RNF130: variants seen among roughly 807,000 people sequenced by gnomAD.
The protein encoded by RNF130 is E3 ubiquitin-protein ligase RNF130.
A neutral mutation model predicts 44.6 loss-of-function variants in RNF130; 21 were observed. The ratio of observed to expected loss-of-function variants is 0.47; its 90% CI spans 0.33 to 0.68. RNF130 has a LOEUF of 0.68. Among genes scored for constraint, RNF130 ranks in the 30% least tolerant of loss-of-function variants. RNF130 has a pLI of 0.02. For missense variants in RNF130, 479 were observed against 560.6 expected, an observed-to-expected ratio of 0.85 and a Z score of 1.47; for synonymous variants, 214 against 210.4, an observed-to-expected ratio of 1.02 and a Z score of -0.15.
chr5:180,013,272 C>G lies in RNF130; in HGVS notation c.482G>C (p.Arg161Thr). 1 of 1,613,680 alleles carries G rather than the reference C, an allele frequency of 6.2e-7. No individual in the cohort carries two copies. The highest frequency in any genetic ancestry group is 8.5e-7 in the Non-Finnish European group (1 of 1,179,640). ...DIIAVMITELRGKDILSYLEK... is the reference protein window; with the variant it reads ...DIIAVMITELTGKDILSYLEK... ...CAGATAACTCAAAATATCCTTACCCCTCAATTCTGTTATCATGACAGCAAT... is the reference window on the plus strand; with the variant it reads ...CAGATAACTCAAAATATCCTTACCCGTCAATTCTGTTATCATGACAGCAAT... The change falls in exon 3 of 9, where the codon AGG (arginine) becomes ACG (threonine). Residue 161 changes from arginine to threonine, a missense_variant. Physicochemically the swap from Arg to Thr is moderately conservative, Grantham distance 71 (BLOSUM62 -1). Transcript: ENST00000521389.
chr5:179,919,203 T>A (rs1761593194), exon 8 of RNF130: 1 of 152,208 alleles, frequency 6.6e-6, no homozygotes, highest in Non-Finnish European at 1.5e-5. Flanking sequence ...TAAGATGCAA[T>A]TTTCTCATCA....
At chr5:180,046,169 C>CGCAGCTGCTGGCCCAGGT (rs1193105196) in intron 1 of RNF130, among the ~76,000 whole-genome samples, 7 of 152,200 alleles carry the variant, frequency 4.6e-5, no homozygotes, top group Admixed American at 1.3e-4. Flanking sequence ...GCGCACCCTC[C>CGCAGCTGCTGGCCCAGGT]GCAGCTGCTG....
At chr5:180,062,993 T>C (rs578120872) in intron 1 of RNF130, among the ~76,000 whole-genome samples, 1 of 152,260 alleles carries the variant, frequency 6.6e-6, no homozygotes, top group East Asian at 1.9e-4. Context: ...AATATCAGAA[T>C]GGTTTCAGAA....
chr5:179,925,848 C>A (rs1761700420), intron 7 of RNF130, among the ~76,000 whole-genome samples: 1 of 152,116 alleles, frequency 6.6e-6, no homozygotes, highest in African/African-American at 2.4e-5. Flanking sequence ...TATTCTGAGC[C>A]AAGTTGGAAG....
At chr5:179,979,993 A>T (rs1258864259) in intron 4 of RNF130, 136 bp downstream of exon 4, 1 of 646,180 alleles carries the variant, frequency 1.5e-6, no homozygotes, top group Non-Finnish European at 2.7e-6. Flanking sequence ...GGTAGTTTAA[A>T]ATAAAGCATT....
intron 7 of RNF130, among the ~76,000 whole-genome samples, chr5:179,930,955 C>T (rs559880981): frequency 6.7e-6 from 1 of 148,786 alleles, no homozygotes; most frequent in African/African-American, 2.5e-5. Context: ...GGCATGAGAA[C>T]CCAGGAGGCA....
chr5:179,987,212 G>C (rs1056915617), intron 3 of RNF130, among the ~76,000 whole-genome samples: 4 of 151,954 alleles, frequency 2.6e-5, no homozygotes, highest in Non-Finnish European at 5.9e-5. Context: ...CTGTCACCCA[G>C]GCTGGAGTGT....
At chr5:180,056,729 T>C (rs1764833203) in intron 1 of RNF130, among the ~76,000 whole-genome samples, 2 of 152,174 alleles carry the variant, frequency 1.3e-5, no homozygotes, top group Non-Finnish European at 2.9e-5. Flanking sequence ...AAAAGACACA[T>C]ACAATGCTCA....
rs1490408104 is a variant in RNF130 at position 180,071,676 on chromosome 5, AG to A, written c.26del (p.Pro9LeufsTer10). MSCAGRAG[P>X]ARLAALALLT... The stretch of plus-strand genomic sequence containing the variant: ...GCAGGGCGAGCGCGGCGAGCCGGGC[AG>A]GGCCCGCCCGCCCCGCGCAGCTCAT... On this transcript the variant is annotated frameshift_variant, in exon 1 of 9. Coordinates refer to ENST00000521389, the MANE Select transcript of RNF130 (RefSeq NM_018434.6). LOFTEE classifies it high-confidence loss of function. 1.4e-6 allele frequency: 2 copies of A among 1,411,816 alleles called. No homozygotes were observed. Among genetic ancestry groups the A allele is most frequent in the Non-Finnish European group, 1.9e-6 (2 of 1,078,744 alleles). 87.5% of individuals were successfully genotyped at this position (1,411,816 alleles called of 1,614,324 possible).
intron 5 of RNF130, among the ~76,000 whole-genome samples, chr5:179,975,198 G>A (rs560501542): frequency 3.9e-5 from 6 of 152,370 alleles, no homozygotes; most frequent in African/African-American, 7.2e-5. Context: ...GCGGGGAGGC[G>A]TCCCAAGGCA....
chr5:180,057,386 T>G (rs1764856762), intron 1 of RNF130, among the ~76,000 whole-genome samples: 1 of 152,130 alleles, frequency 6.6e-6, no homozygotes, highest in East Asian at 1.9e-4. Context: ...CCATCTCTAC[T>G]AAAAATACAA....
chr5:180,057,274 C>T (rs1450460237), intron 1 of RNF130, among the ~76,000 whole-genome samples: 1 of 152,192 alleles, frequency 6.6e-6, no homozygotes, highest in Non-Finnish European at 1.5e-5. Flanking sequence ...TCGGGGTGGG[C>T]ACAGTGGCTC....
chr5:179,974,952 A>G (rs200958427), intron 5 of RNF130, among the ~76,000 whole-genome samples: 1 of 152,242 alleles, frequency 6.6e-6, no homozygotes, highest in Admixed American at 6.5e-5. Context: ...TCAATGGTGA[A>G]GCGGTCCTCT....
At chr5:180,004,964 T>G (rs1002882748) in intron 3 of RNF130, among the ~76,000 whole-genome samples, 3 of 152,172 alleles carry the variant, frequency 2.0e-5, no homozygotes, top group African/African-American at 7.2e-5. Flanking sequence ...CTCTGTTAAC[T>G]CTTTTGCAAG....
intron 1 of RNF130, among the ~76,000 whole-genome samples, chr5:180,070,324 A>T (rs1202339258): frequency 6.6e-6 from 1 of 152,246 alleles, no homozygotes; most frequent in African/African-American, 2.4e-5. Flanking sequence ...TTACTGGTGT[A>T]AAACGGACTT....
At chr5:180,018,168 G>A (rs193221818) in intron 2 of RNF130, among the ~76,000 whole-genome samples, 16 of 152,042 alleles carry the variant, frequency 1.1e-4, no homozygotes, top group Non-Finnish European at 2.1e-4. Context: ...GGTGGCAGGC[G>A]CCTGTAATCC....
At chr5:180,070,070 G>T (rs1765209245) in intron 1 of RNF130, among the ~76,000 whole-genome samples, 1 of 152,164 alleles carries the variant, frequency 6.6e-6, no homozygotes, top group Admixed American at 6.5e-5. Context: ...ACAACAGCTT[G>T]CCTCCCCTTC....
chr5:180,071,485 T>C lies in RNF130; in HGVS notation c.218A>G (p.Gln73Arg). The C allele has an allele frequency of 3.2e-6, 4 of 1,255,580 alleles. No homozygotes were observed. Among genetic ancestry groups the C allele is most frequent in the African/African-American group, 3.1e-5 (2 of 64,890 alleles). 77.8% of individuals were successfully genotyped at this position (1,255,580 alleles called of 1,614,324 possible). A position where few individuals can be genotyped will look rare whatever the true frequency, so the allele number is the denominator to read the frequency against. ...LDSPKAEVRG[Q>R]VLAPLPLHGV... ...GTGGAGGGGCAGCGGCGCCAGCACC[T>C]GGCCGCGGACCTCGGCCTTGGGGGA... Residue 73 changes from glutamine to arginine, a missense_variant, in exon 1 of 9, where the codon CAG becomes CGG. Transcript: ENST00000521389.
At chr5:179,971,676 A>G (rs1336201112) in intron 5 of RNF130, among the ~76,000 whole-genome samples, 2 of 152,176 alleles carry the variant, frequency 1.3e-5, no homozygotes, top group Non-Finnish European at 2.9e-5. Context: ...GCCAAGATAA[A>G]AGAAATTTTT....
Sources: allele counts gnomAD v4.1 joint callset (sites outside exome capture counted in the v4.1 genomes callset), GRCh38; gene constraint gnomAD v4.1.1; transcripts MANE v1.5; gene names NCBI Gene and HGNC (gene_info 2026-07-23, HGNC 2026-07-21).